Variants in SCAND3 observed in about 807,000 individuals in gnomAD.
The protein encoded by SCAND3 is SCAN domain-containing protein 3.
At chr6:28,586,732 G>A in the SCAND3 span, 1 of 1,602,870 alleles carries the variant, frequency 6.2e-7, no homozygotes, top group Non-Finnish European at 8.5e-7. This position sits in a 1 kb window ranked among gnomAD's most constrained non-coding sequence, Gnocchi z 4.4. Context: ...AGCTTAGACA[G>A]CTCAGGCAAA....
chr6:28,595,353 A>AG, the SCAND3 span, among the ~76,000 whole-genome samples: 2 of 144,644 alleles, frequency 1.4e-5, no homozygotes, highest in Non-Finnish European at 3.1e-5. Context: ...AAAAAAAAAA[A>AG]AAGAAGAAGA....
At chr6:28,572,100 A>G in the SCAND3 span, 1 of 1,614,092 alleles carries the variant, frequency 6.2e-7, no homozygotes, top group East Asian at 2.2e-5. This position sits in a 1 kb window ranked among gnomAD's most constrained non-coding sequence, Gnocchi z 4.1. Context: ...ATTTTAAAGC[A>G]ATCTCAGCAA....
At chr6:28,615,434 T>C in the SCAND3 span, among the ~76,000 whole-genome samples, 1 of 151,944 alleles carries the variant, frequency 6.6e-6, no homozygotes, top group Non-Finnish European at 1.5e-5. Context: ...GCCAACATGG[T>C]GAAACTCGTT....
chr6:28,575,971 G>T, the SCAND3 span: 1 of 1,613,552 alleles, frequency 6.2e-7, no homozygotes, highest in East Asian at 2.2e-5. The surrounding 1 kb of genome is among the most constrained non-coding windows in gnomAD (Gnocchi z 4.2). Context: ...CTTTGCTTTA[G>T]AAAATATCTT....
the SCAND3 span, among the ~76,000 whole-genome samples, chr6:28,592,277 A>G: frequency 6.6e-6 from 1 of 152,198 alleles, no homozygotes; most frequent in South Asian, 2.1e-4. The surrounding 1 kb of genome is among the most constrained non-coding windows in gnomAD (Gnocchi z 4.1). Flanking sequence ...AATCAGTAGC[A>G]TTTCTATATA....
chr6:28,613,627 G>A, the SCAND3 span, among the ~76,000 whole-genome samples: 2 of 152,096 alleles, frequency 1.3e-5, no homozygotes, highest in South Asian at 4.2e-4. Flanking sequence ...GTATCCAAAA[G>A]TCATTTACAG....
At chr6:28,585,916 A>G in the SCAND3 span, among the ~76,000 whole-genome samples, 2 of 152,234 alleles carry the variant, frequency 1.3e-5, no homozygotes, top group South Asian at 2.1e-4. Context: ...GAAGACATTA[A>G]TGTCCCAGAG....
At chr6:28,612,317 C>A in the SCAND3 span, among the ~76,000 whole-genome samples, 1 of 152,052 alleles carries the variant, frequency 6.6e-6, no homozygotes, top group Admixed American at 6.6e-5. Context: ...GGATTACAGG[C>A]GTGAGCCACT....
chr6:28,589,852 GTTTGTTT>G, the SCAND3 span: 1 of 117,668 alleles, frequency 8.5e-6, no homozygotes, highest in African/African-American at 3.2e-5. Context: ...TTGTTTTTTT[GTTTGTTT>G]TTTTTTTTTT....
chr6:28,598,380 T>C, the SCAND3 span, among the ~76,000 whole-genome samples: 5 of 152,182 alleles, frequency 3.3e-5, no homozygotes, highest in Non-Finnish European at 7.3e-5. Flanking sequence ...TTTTGTTTTG[T>C]TTTGTATTGT....
chr6:28,604,661 A>T, the SCAND3 span, among the ~76,000 whole-genome samples: 4 of 152,026 alleles, frequency 2.6e-5, no homozygotes, highest in Non-Finnish European at 4.4e-5. Context: ...TATTTCTTGA[A>T]TCTAAATTTT....
At chr6:28,603,001 C>G in the SCAND3 span, among the ~76,000 whole-genome samples, 3 of 122,652 alleles carry the variant, frequency 2.4e-5, no homozygotes, top group Non-Finnish European at 3.2e-5. Flanking sequence ...CTCACTCTGT[C>G]GCCCAGGCTG....
At chr6:28,584,148 G>A in the SCAND3 span, among the ~76,000 whole-genome samples, 8,008 of 152,218 alleles carry the variant, frequency 0.053, 295 homozygotes, top group African/African-American at 0.099. Flanking sequence ...GTCACCCCCT[G>A]TATAGGCAAC....
At chr6:28,570,823 T>G in the SCAND3 span, 1 of 152,210 alleles carries the variant, frequency 6.6e-6, no homozygotes. Flanking sequence ...CTAAATGAGT[T>G]CACAGACACA....
At chr6:28,572,984 A>C in the SCAND3 span, 1 of 1,613,838 alleles carries the variant, frequency 6.2e-7, no homozygotes, top group Non-Finnish European at 8.5e-7. The surrounding 1 kb of genome is among the most constrained non-coding windows in gnomAD (Gnocchi z 4.1). Flanking sequence ...CCATCAGAAC[A>C]TACTCCTACA....
the SCAND3 span, chr6:28,586,593 C>T: frequency 6.2e-7 from 1 of 1,614,222 alleles, no homozygotes. This position sits in a 1 kb window ranked among gnomAD's most constrained non-coding sequence, Gnocchi z 4.4. Flanking sequence ...AGACAAATTC[C>T]TACGTAGGGC....
the SCAND3 span, chr6:28,579,542 T>C: frequency 1.1e-6 from 1 of 904,494 alleles, no homozygotes; most frequent in Non-Finnish European, 1.7e-6. This position sits in a 1 kb window ranked among gnomAD's most constrained non-coding sequence, Gnocchi z 4.5. Flanking sequence ...AATTCTTAAG[T>C]ACAAGATAAA....
the SCAND3 span, among the ~76,000 whole-genome samples, chr6:28,584,572 C>T: frequency 1.3e-5 from 2 of 152,170 alleles, no homozygotes; most frequent in African/African-American, 4.8e-5. Flanking sequence ...TCAGTTGATC[C>T]TTTGTAGCCT....
the SCAND3 span, among the ~76,000 whole-genome samples, chr6:28,580,441 C>CA: frequency 0.11 from 14,196 of 124,726 alleles, 801 homozygotes; most frequent in African/African-American, 0.19. Flanking sequence ...GACTCCGTCT[C>CA]AAAAAAAAAA....
Sources: gnomAD v4.1 joint callset for allele counts (sites outside exome capture counted in the v4.1 genomes callset) on GRCh38, gnomAD v4.1.1 for gene constraint, Gnocchi (gnomAD v3.1) non-coding constraint, MANE v1.5 for transcripts, NCBI Gene and HGNC (gene_info 2026-07-23, HGNC 2026-07-21) for gene names.